EHBP1: variants seen among roughly 807,000 people sequenced by gnomAD.
EHBP1 encodes the protein EH domain-binding protein 1.
Under a neutral mutation model 144.0 loss-of-function variants are expected in EHBP1, and 55 were observed. That is an observed-to-expected ratio of 0.38 (90% CI 0.31 to 0.48). The LOEUF (loss-of-function observed/expected upper bound fraction) is 0.48, where lower values mean the gene tolerates loss of function less well. Among genes scored for constraint, EHBP1 ranks in the 20% least tolerant of loss-of-function variants. The pLI, the probability that EHBP1 is intolerant of heterozygous loss-of-function variation, is 0.98. For synonymous variants in EHBP1, 469 were observed against 472.7 expected, an observed-to-expected ratio of 0.99 and a Z score of 0.10; for missense variants, 1,200 against 1,364.2, an observed-to-expected ratio of 0.88 and a Z score of 1.90.
At position 62,942,774 on chromosome 2, in the gene EHBP1, G is replaced by T. The variant is rs1296416363; in HGVS notation, c.1242G>T (p.Leu414Phe). 3 of 1,613,380 alleles carry T rather than the reference G, an allele frequency of 1.9e-6. No individual in the cohort carries two copies. Among genetic ancestry groups the T allele is most frequent in the Non-Finnish European group, 2.5e-6 (3 of 1,179,602 alleles). The change falls in exon 11 of 23, where the codon TTG becomes TTT. Residue 414 changes from leucine to phenylalanine, a missense_variant. Leu to Phe is a conservative substitution (Grantham distance 22). Coordinates refer to ENST00000431489, the MANE Select transcript of EHBP1 (RefSeq NM_001142616.3). The part of the protein sequence containing the change: ...LGRKPNASQS[L>F]LVWCKEVTKN... ...GAAAGCCAAATGCTAGTCAGTCTTT[G>T]CTTGTATGGTGTAAAGAAGTTACAA...
At chr2:62,924,972 G>A (rs2055378659) in intron 10 of EHBP1, among the ~76,000 whole-genome samples, 1 of 152,046 alleles carries the variant, frequency 6.6e-6, no homozygotes, top group South Asian at 2.1e-4. Context: ...AACAAATTGA[G>A]CGCAACAGTG....
chr2:62,899,234 A>G (rs530549920), intron 10 of EHBP1, among the ~76,000 whole-genome samples: 1 of 152,292 alleles, frequency 6.6e-6, no homozygotes, highest in African/African-American at 2.4e-5. Context: ...AATTCAGGAC[A>G]ACATTGAGAA....
At chr2:62,761,756 G>A (rs1236333474) in intron 3 of EHBP1, among the ~76,000 whole-genome samples, 1 of 152,002 alleles carries the variant, frequency 6.6e-6, no homozygotes, top group African/African-American at 2.4e-5. Context: ...TCTCTCTTCT[G>A]CATCATTAGA....
At chr2:62,943,376 CAAAAAAA>C (rs11306610) in intron 11 of EHBP1, among the ~76,000 whole-genome samples, 4 of 87,856 alleles carry the variant, frequency 4.6e-5, no homozygotes, top group East Asian at 3.6e-4. Context: ...AACTCCGTCT[CAAAAAAA>C]AAAAAAAAAA....
intron 3 of EHBP1, among the ~76,000 whole-genome samples, chr2:62,758,343 A>G (rs1351111888): frequency 1.3e-5 from 2 of 152,190 alleles, no homozygotes; most frequent in East Asian, 1.9e-4. Context: ...TCCTGACCTC[A>G]GATGAGCCGC....
At chr2:62,691,555 A>G (rs950417191) in intron 1 of EHBP1, among the ~76,000 whole-genome samples, 2 of 152,222 alleles carry the variant, frequency 1.3e-5, no homozygotes, top group Non-Finnish European at 2.9e-5. Context: ...GAGAAGAAAA[A>G]AGGAGAATGG....
intron 5 of EHBP1, among the ~76,000 whole-genome samples, chr2:62,820,928 G>A (rs1004936073): frequency 6.0e-5 from 9 of 150,634 alleles, no homozygotes; most frequent in Non-Finnish European, 8.9e-5. Context: ...TAAGGTACTG[G>A]CAATGTTCTG....
intron 10 of EHBP1, among the ~76,000 whole-genome samples, chr2:62,926,907 TG>T (rs1188385541): frequency 6.6e-6 from 1 of 152,144 alleles, no homozygotes; most frequent in East Asian, 1.9e-4. Flanking sequence ...ATTGCAGCAC[TG>T]GTCATGTTAG....
chr2:62,724,513 G>C (rs2151953474), intron 2 of EHBP1, among the ~76,000 whole-genome samples: 1 of 152,294 alleles, frequency 6.6e-6, no homozygotes, highest in Non-Finnish European at 1.5e-5. Flanking sequence ...TTGCAGGGGA[G>C]GTGTTGCAGT....
rs1365530815 is a variant in EHBP1 at position 62,778,656 on chromosome 2, T to G, written c.312+7264T>G. Among the ~76,000 whole-genome samples the G allele has an allele frequency of 3.3e-5, 5 of 152,170 alleles. No homozygotes were observed. The East Asian group carries it at 7.7e-4, about 23-fold the overall frequency. ...CCCAACCAAACTCACCTGACAAGAT[T>G]ATACCAAGAACAGAGATGATATAAT... On this transcript the variant is annotated intron_variant, in intron 5 of 22. Coordinates refer to ENST00000431489, the MANE Select transcript of EHBP1 (RefSeq NM_001142616.3).
chr2:62,730,242 G>A (rs571653476), intron 2 of EHBP1, among the ~76,000 whole-genome samples: 11 of 151,670 alleles, frequency 7.3e-5, no homozygotes, highest in Admixed American at 1.3e-4. Flanking sequence ...TGATTCCACC[G>A]TTATAGTATC....
intron 19 of EHBP1, among the ~76,000 whole-genome samples, chr2:63,000,357 A>C (rs1263911392): frequency 6.6e-6 from 1 of 151,856 alleles, no homozygotes; most frequent in Non-Finnish European, 1.5e-5. Flanking sequence ...AATACTGAGC[A>C]GCCATGCTGT....
chr2:62,691,021 G>T (rs949965200), intron 1 of EHBP1, among the ~76,000 whole-genome samples: 5 of 152,208 alleles, frequency 3.3e-5, no homozygotes, highest in African/African-American at 1.2e-4. Flanking sequence ...CGTGCCCTCA[G>T]GTTAACTTAG....
intron 5 of EHBP1, among the ~76,000 whole-genome samples, chr2:62,777,616 A>AT (rs1268238160): frequency 6.6e-6 from 1 of 152,150 alleles, no homozygotes; most frequent in Non-Finnish European, 1.5e-5. Context: ...TTACTGCTAT[A>AT]TAAAATAATG....
At chr2:62,905,628 C>T (rs530431859) in intron 10 of EHBP1, among the ~76,000 whole-genome samples, 1 of 151,966 alleles carries the variant, frequency 6.6e-6, no homozygotes, top group East Asian at 1.9e-4. Flanking sequence ...AGTTTGAGAC[C>T]AGCCTGGGCA....
chr2:63,002,709 C>T (rs2059897476), intron 19 of EHBP1, among the ~76,000 whole-genome samples: 1 of 152,004 alleles, frequency 6.6e-6, no homozygotes, highest in African/African-American at 2.4e-5. Context: ...GATCAAAGTA[C>T]AGAGTAGTCT....
intron 5 of EHBP1, among the ~76,000 whole-genome samples, chr2:62,796,376 A>G (rs2043537824): frequency 6.6e-6 from 1 of 152,136 alleles, no homozygotes; most frequent in South Asian, 2.1e-4. Flanking sequence ...TCTGCCTTCA[A>G]AATAGGGGTA....
chr2:62,749,768 G>A (rs2039503488), intron 3 of EHBP1, among the ~76,000 whole-genome samples: 1 of 152,162 alleles, frequency 6.6e-6, no homozygotes. Flanking sequence ...TCTTTTGGCT[G>A]CATAAATGTC....
intron 1 of EHBP1, among the ~76,000 whole-genome samples, chr2:62,684,955 A>T (rs2033669427): frequency 6.6e-6 from 1 of 152,180 alleles, no homozygotes; most frequent in Admixed American, 6.6e-5. Flanking sequence ...TTATATGTGG[A>T]ATCCAACACA....
Sources: gnomAD v4.1 joint callset for allele counts (sites outside exome capture counted in the v4.1 genomes callset) on GRCh38, gnomAD v4.1.1 for gene constraint, MANE v1.5 for transcripts, NCBI Gene and HGNC (gene_info 2026-07-23, HGNC 2026-07-21) for gene names.